DRC8: variants seen among roughly 807,000 people sequenced by gnomAD.
DRC8 encodes the protein dynein regulatory complex subunit 8.
chr1:245,022,680 C>T, the DRC8 span, among the ~76,000 whole-genome samples: 289 of 152,198 alleles, frequency 1.9e-3, 2 homozygotes, highest in African/African-American at 6.6e-3. Context: ...AGAGATTCTC[C>T]ATGCAAATAT....
the DRC8 span, chr1:244,970,597 G>C: frequency 1.1e-6 from 1 of 918,380 alleles, no homozygotes. Flanking sequence ...GGCAGCAGCA[G>C]TCGCCCTGCC....
chr1:245,002,139 G>T, the DRC8 span: 1 of 1,606,266 alleles, frequency 6.2e-7, no homozygotes, highest in East Asian at 2.2e-5. Context: ...ATACAACAGT[G>T]ATGAGATAAG....
the DRC8 span, chr1:245,090,927 C>T: frequency 3.3e-5 from 5 of 152,246 alleles, no homozygotes; most frequent in African/African-American, 7.2e-5. Flanking sequence ...GGTGAGGAAT[C>T]GTCACTTCTG....
chr1:245,009,028 C>T, the DRC8 span, among the ~76,000 whole-genome samples: 23 of 64,422 alleles, frequency 3.6e-4, no homozygotes, highest in East Asian at 2.0e-3. Context: ...TTATGCTTTT[C>T]TTTTTTTTTT....
the DRC8 span, among the ~76,000 whole-genome samples, chr1:245,099,484 C>T: frequency 6.6e-6 from 1 of 152,206 alleles, no homozygotes; most frequent in African/African-American, 2.4e-5. Context: ...GACGCAGCCC[C>T]GCCCTGCCCC....
the DRC8 span, among the ~76,000 whole-genome samples, chr1:244,975,328 A>C: frequency 6.6e-6 from 1 of 152,112 alleles, no homozygotes; most frequent in South Asian, 2.1e-4. Flanking sequence ...AACTGTCGAT[A>C]GTATAGAGTG....
At chr1:245,027,210 G>T in the DRC8 span, among the ~76,000 whole-genome samples, 1 of 152,260 alleles carries the variant, frequency 6.6e-6, no homozygotes, top group South Asian at 2.1e-4. Context: ...GAGTCAAAGA[G>T]AATTTTTTAA....
chr1:245,012,802 A>G, the DRC8 span, among the ~76,000 whole-genome samples: 1 of 152,216 alleles, frequency 6.6e-6, no homozygotes, highest in Non-Finnish European at 1.5e-5. Flanking sequence ...AAAACTTTCA[A>G]TGGTATTTCA....
chr1:245,069,832 A>G, the DRC8 span, among the ~76,000 whole-genome samples: 1 of 152,212 alleles, frequency 6.6e-6, no homozygotes, highest in African/African-American at 2.4e-5. Context: ...GCTTGAAGCC[A>G]GGAGTTCGGG....
chr1:245,010,681 C>CTTTTT, the DRC8 span, among the ~76,000 whole-genome samples: 8 of 127,230 alleles, frequency 6.3e-5, no homozygotes, highest in East Asian at 2.3e-4. Flanking sequence ...CTTTTTCTTT[C>CTTTTT]TTTTTTTTTT....
At chr1:245,110,972 G>A in the DRC8 span, among the ~76,000 whole-genome samples, 11,412 of 151,766 alleles carry the variant, frequency 0.075, 1,141 homozygotes, top group African/African-American at 0.22. Flanking sequence ...TGTCAGCTAT[G>A]GTATACCAGC....
chr1:245,104,665 C>T, the DRC8 span, among the ~76,000 whole-genome samples: 1 of 152,144 alleles, frequency 6.6e-6, no homozygotes, highest in Non-Finnish European at 1.5e-5. Flanking sequence ...AAAACAAATT[C>T]TAGACATCAC....
At chr1:245,033,552 T>C in the DRC8 span, among the ~76,000 whole-genome samples, 3 of 152,204 alleles carry the variant, frequency 2.0e-5, no homozygotes, top group African/African-American at 7.2e-5. Flanking sequence ...AAGAGTTTGC[T>C]CTTTATTGAG....
the DRC8 span, among the ~76,000 whole-genome samples, chr1:244,986,329 T>C: frequency 6.6e-6 from 1 of 152,128 alleles, no homozygotes; most frequent in Non-Finnish European, 1.5e-5. Context: ...TAGTAACAGA[T>C]GGAACTGCGA....
At chr1:245,087,394 AT>A in the DRC8 span, 1 of 1,558,740 alleles carries the variant, frequency 6.4e-7, no homozygotes, top group Admixed American at 2.3e-5. Context: ...TGAAAGAACA[AT>A]TTTAGAAATT....
chr1:245,104,548 C>A, the DRC8 span, among the ~76,000 whole-genome samples: 2 of 151,762 alleles, frequency 1.3e-5, no homozygotes, highest in Non-Finnish European at 2.9e-5. Context: ...CTAAATGGAC[C>A]CCCGTGTATT....
At chr1:245,050,390 G>A in the DRC8 span, among the ~76,000 whole-genome samples, 1 of 151,994 alleles carries the variant, frequency 6.6e-6, no homozygotes, top group Non-Finnish European at 1.5e-5. Context: ...GTGACCCACC[G>A]CGCCCAGCCC....
chr1:245,041,872 A>C, the DRC8 span, among the ~76,000 whole-genome samples: 769 of 152,194 alleles, frequency 5.1e-3, 2 homozygotes, highest in African/African-American at 0.016. Context: ...CTACAAATTG[A>C]GGAAGGCCCC....
At chr1:245,025,869 C>T in the DRC8 span, among the ~76,000 whole-genome samples, 265 of 152,262 alleles carry the variant, frequency 1.7e-3, 2 homozygotes, top group African/African-American at 5.8e-3. Flanking sequence ...TCTTTCCTGC[C>T]GCCATGTAAG....
Sources: gnomAD v4.1 joint callset for allele counts (sites outside exome capture counted in the v4.1 genomes callset) on GRCh38, gnomAD v4.1.1 for gene constraint, MANE v1.5 for transcripts, NCBI Gene and HGNC (gene_info 2026-07-23, HGNC 2026-07-21) for gene names.